The following HEG1 variants were observed in gnomAD, a reference collection of about 807,000 sequenced individuals.
HEG1 encodes protein HEG homolog 1.
In HEG1, 56 loss-of-function variants were observed where a neutral mutation model predicts 125.6. The observed-to-expected ratio is 0.45, with a 90% CI of 0.36 to 0.56. The LOEUF (loss-of-function observed/expected upper bound fraction) is 0.56, where lower values mean the gene tolerates loss of function less well. Ranked by LOEUF, HEG1 falls within the 20% of genes least tolerant of loss-of-function variation. The pLI is 0.00. For missense variants in HEG1, 1,523 were observed against 1,670.0 expected (o/e 0.91, Z 1.53); for synonymous variants, 644 against 668.5 (o/e 0.96, Z 0.57).
At chr3:125,032,610 T>C (rs1560031963) in intron 1 of HEG1, among the ~76,000 whole-genome samples, 1 of 152,252 alleles carries the variant, frequency 6.6e-6, no homozygotes, top group African/African-American at 2.4e-5. Context: ...GTTCTACCTC[T>C]GGGAGCTGCG....
chr3:125,002,877 G>T (rs1937020046), intron 9 of HEG1, among the ~76,000 whole-genome samples: 1 of 152,196 alleles, frequency 6.6e-6, no homozygotes, highest in Non-Finnish European at 1.5e-5. Flanking sequence ...TTGTGCCCTT[G>T]GAGACGGCAG....
At chr3:125,048,364 C>T (rs142862850) in intron 1 of HEG1, among the ~76,000 whole-genome samples, 267 of 152,332 alleles carry the variant, frequency 1.8e-3, no homozygotes, top group African/African-American at 6.3e-3. Context: ...GACCTCCTTA[C>T]CATGGTCCTC....
At chr3:125,037,106 G>C (rs1937554316) in intron 1 of HEG1, among the ~76,000 whole-genome samples, 1 of 152,196 alleles carries the variant, frequency 6.6e-6, no homozygotes, top group African/African-American at 2.4e-5. Context: ...TTAAAGGATT[G>C]ACCAAAATAC....
At chr3:124,989,315 G>A (rs780288637) in intron 14 of HEG1, among the ~76,000 whole-genome samples, 2 of 152,142 alleles carry the variant, frequency 1.3e-5, no homozygotes, top group Non-Finnish European at 2.9e-5. Flanking sequence ...TCAGATGTAA[G>A]GTATACCACT....
At chr3:125,022,685 A>C (rs898337677) in intron 3 of HEG1, among the ~76,000 whole-genome samples, 1 of 103,854 alleles carries the variant, frequency 9.6e-6, no homozygotes, top group Non-Finnish European at 2.1e-5. Flanking sequence ...CTTCAGTATT[A>C]AAAAAAAAAA....
At chr3:124,973,149 G>A (rs893288798) in intron 16 of HEG1, among the ~76,000 whole-genome samples, 1 of 151,946 alleles carries the variant, frequency 6.6e-6, no homozygotes, top group African/African-American at 2.4e-5. Flanking sequence ...AGCCTCTCAA[G>A]TAGCTAGAAC....
Position 124,966,292 on chromosome 3 carries a change from C to T in HEG1, c.*4360G>A, listed in dbSNP as rs1463535013. 6.6e-6 allele frequency: 1 copy of T among 152,160 alleles called. No homozygotes were observed. The highest frequency in any genetic ancestry group is 1.5e-5 in the Non-Finnish European group (1 of 68,040). 9.4% of individuals were successfully genotyped at this position (152,160 alleles called of 1,614,324 possible). A position where few individuals can be genotyped will look rare whatever the true frequency, so the allele number is the denominator to read the frequency against. On this transcript the variant is annotated 3_prime_UTR_variant, in exon 17 of 17. Transcript: ENST00000311127. ...CTGTCGCTTTTTAGACCTGAATGGTCCCCCTTTGGTTTCATAGGGTTTTCT... is the reference window on the plus strand; with the variant it reads ...CTGTCGCTTTTTAGACCTGAATGGTTCCCCTTTGGTTTCATAGGGTTTTCT...
intron 1 of HEG1, among the ~76,000 whole-genome samples, chr3:125,032,202 A>G (rs1937509531): frequency 1.3e-5 from 2 of 152,154 alleles, no homozygotes; most frequent in Non-Finnish European, 2.9e-5. Context: ...GCAGTTCTAG[A>G]TCAATGGTTC....
chr3:124,989,841 C>A (rs1936799864), intron 14 of HEG1, among the ~76,000 whole-genome samples: 1 of 152,232 alleles, frequency 6.6e-6, no homozygotes, highest in Non-Finnish European at 1.5e-5. Context: ...TGCTCTAAGA[C>A]TTTTGCCAGC....
intron 1 of HEG1, among the ~76,000 whole-genome samples, chr3:125,041,572 T>G (rs1217578255): frequency 6.6e-6 from 1 of 152,088 alleles, no homozygotes; most frequent in Non-Finnish European, 1.5e-5. Context: ...GAGTTATGAG[T>G]TGATCCAGCA....
chr3:125,048,831 T>C (rs1254331015), intron 1 of HEG1, among the ~76,000 whole-genome samples: 1 of 152,176 alleles, frequency 6.6e-6, no homozygotes, highest in Non-Finnish European at 1.5e-5. Context: ...AGATTCACCA[T>C]GTATTCTGGA....
At chr3:124,999,039 A>C (rs11708472) in intron 11 of HEG1, among the ~76,000 whole-genome samples, 8,985 of 152,154 alleles carry the variant, frequency 0.059, 308 homozygotes, top group East Asian at 0.12. Flanking sequence ...ATGCTGCAAA[A>C]CTGCCCCTGC....
At chr3:124,999,173 A>T (rs2107695062) in intron 11 of HEG1, among the ~76,000 whole-genome samples, 1 of 152,346 alleles carries the variant, frequency 6.6e-6, no homozygotes, top group South Asian at 2.1e-4. Flanking sequence ...AGCTTAGGAC[A>T]CAACTCTAGT....
intron 5 of HEG1, among the ~76,000 whole-genome samples, chr3:125,015,585 T>C (rs1399140997): frequency 6.6e-6 from 1 of 152,202 alleles, no homozygotes; most frequent in Admixed American, 6.5e-5. Flanking sequence ...TTTTATTCTA[T>C]TGATGGGGAT....
intron 3 of HEG1, among the ~76,000 whole-genome samples, chr3:125,025,067 C>A (rs775546128): frequency 4.6e-5 from 7 of 152,244 alleles, no homozygotes; most frequent in Non-Finnish European, 8.8e-5. Context: ...CCTGGCAGGT[C>A]CTGCTGGCTC....
chr3:125,044,228 G>T (rs756532520), intron 1 of HEG1, among the ~76,000 whole-genome samples: 2 of 152,220 alleles, frequency 1.3e-5, no homozygotes, highest in Non-Finnish European at 2.9e-5. Flanking sequence ...GTCTGCTAAT[G>T]CGTTTTGTAA....
chr3:124,998,803 T>C (rs1050835027), intron 11 of HEG1, among the ~76,000 whole-genome samples: 1 of 152,070 alleles, frequency 6.6e-6, no homozygotes, highest in Non-Finnish European at 1.5e-5. Context: ...ACCAACTGGA[T>C]AGTGGATAGT....
intron 15 of HEG1, 147 bp downstream of exon 15, chr3:124,977,712 C>A (rs1204436336): frequency 1.8e-5 from 8 of 455,734 alleles, no homozygotes; most frequent in Admixed American, 4.1e-5. Flanking sequence ...ATCGTGAATT[C>A]CCTTTCTCCT....
intron 16 of HEG1, 37 bp downstream of exon 16, chr3:124,973,694 G>T: frequency 6.6e-7 from 1 of 1,524,768 alleles, no homozygotes; most frequent in Non-Finnish European, 8.9e-7. Context: ...CAGAGGAACC[G>T]GGGGCCCTGG....
Sources: gnomAD v4.1 joint callset for allele counts (sites outside exome capture counted in the v4.1 genomes callset) on GRCh38, gnomAD v4.1.1 for gene constraint, MANE v1.5 for transcripts, NCBI Gene and HGNC (gene_info 2026-07-23, HGNC 2026-07-21) for gene names.